The following PCDH15 variants were observed in gnomAD, a reference collection of about 807,000 sequenced individuals.
PCDH15 encodes protocadherin-15.
A neutral mutation model predicts 178.5 loss-of-function variants in PCDH15; 129 were observed. The observed-to-expected ratio is 0.72, with a 90% CI of 0.63 to 0.84. The LOEUF (loss-of-function observed/expected upper bound fraction) is 0.84. PCDH15 is among the 40% of genes least tolerant of loss of function. The pLI, the probability that PCDH15 is intolerant of heterozygous loss-of-function variation, is 0.00. For missense variants in PCDH15, 2,230 were observed against 2,099.9 expected, an observed-to-expected ratio of 1.06 and a Z score of -1.21; for synonymous variants, 800 against 732.0, an observed-to-expected ratio of 1.09 and a Z score of -1.50.
At chr10:54,548,632 A>G (rs1365164862) in intron 2 of PCDH15, among the ~76,000 whole-genome samples, 1 of 59,676 alleles carries the variant, frequency 1.7e-5, no homozygotes, top group Non-Finnish European at 4.6e-5. Flanking sequence ...TATTATATAT[A>G]AATATATAAT....
At chr10:55,480,454 T>G (rs972438675) in intron 2 of PCDH15, among the ~76,000 whole-genome samples, 1 of 151,740 alleles carries the variant, frequency 6.6e-6, no homozygotes, top group Non-Finnish European at 1.5e-5. Flanking sequence ...TAGTAAGATG[T>G]TGGTGGTGAG....
chr10:55,178,799 G>C (rs1839562727), intron 1 of PCDH15, among the ~76,000 whole-genome samples: 1 of 152,016 alleles, frequency 6.6e-6, no homozygotes, highest in Admixed American at 6.6e-5. Flanking sequence ...CCTTCATTCT[G>C]TTCCTCACCA....
chr10:54,262,565 C>T (rs2057390178), intron 8 of PCDH15, among the ~76,000 whole-genome samples: 1 of 152,092 alleles, frequency 6.6e-6, no homozygotes, highest in African/African-American at 2.4e-5. Flanking sequence ...AGCCCAGGCC[C>T]GTGAGCTCAG....
At chr10:55,321,116 A>C (rs1481233885), upstream of PCDH15, among the ~76,000 whole-genome samples, 18 of 151,992 alleles carry the variant, frequency 1.2e-4, no homozygotes, top group Admixed American at 1.2e-3. Flanking sequence ...GGAAAGAGAG[A>C]GAAAGAGAAA....
At chr10:54,123,799 T>C (rs963034118) in intron 15 of PCDH15, among the ~76,000 whole-genome samples, 2 of 152,116 alleles carry the variant, frequency 1.3e-5, no homozygotes, top group Non-Finnish European at 2.9e-5. Context: ...GTGGCACATA[T>C]ACACTACGGA....
At chr10:55,376,007 G>C (rs1229534614) in intron 2 of PCDH15, among the ~76,000 whole-genome samples, 1 of 150,902 alleles carries the variant, frequency 6.6e-6, no homozygotes, top group South Asian at 2.1e-4. Context: ...TTTTAGTTTA[G>C]GACCATATTT....
intron 13 of PCDH15, among the ~76,000 whole-genome samples, chr10:54,167,022 G>A (rs542935286): frequency 1.5e-4 from 23 of 151,884 alleles, no homozygotes; most frequent in African/African-American, 3.9e-4. Context: ...ATCTCCCTTC[G>A]CTGACTCTCT....
Position 54,759,887 on chromosome 10 carries a change from C to T in PCDH15, c.-29+41038G>A, listed in dbSNP as rs141189765. On this transcript the variant is annotated intron_variant, in intron 1 of 37. Transcript: ENST00000644397. ...CAGAATGATTCTTTCACTACTATGCCCTGAGCAAAAACAGTCTTGGGTTAC... is the reference window on the plus strand; with the variant it reads ...CAGAATGATTCTTTCACTACTATGCTCTGAGCAAAAACAGTCTTGGGTTAC... Among the ~76,000 whole-genome samples, 1,367 of 152,228 alleles carry T rather than the reference C, an allele frequency of 9.0e-3. 12 individuals are homozygous for T. The highest frequency in any genetic ancestry group is 0.022 in the Admixed American group (343 of 15,268).
chr10:53,914,289 A>T (rs2083369687), intron 25 of PCDH15, among the ~76,000 whole-genome samples: 1 of 152,222 alleles, frequency 6.6e-6, no homozygotes, highest in South Asian at 2.1e-4. Context: ...ATGATAAAGC[A>T]TGCTACTATA....
chr10:55,550,913 T>A (rs1841991432), intron 2 of PCDH15, among the ~76,000 whole-genome samples: 1 of 152,108 alleles, frequency 6.6e-6, no homozygotes, highest in South Asian at 2.1e-4. Context: ...ACAGATGAAC[T>A]TCCTTCCAAT....
chr10:55,301,847 T>C (rs574170571), intron 1 of PCDH15, among the ~76,000 whole-genome samples: 2 of 152,160 alleles, frequency 1.3e-5, no homozygotes, highest in Non-Finnish European at 2.9e-5. Context: ...AAAAAGGCTA[T>C]CTTTCCTACA....
chr10:54,677,105 C>T (rs1395008567), intron 1 of PCDH15, among the ~76,000 whole-genome samples: 5 of 152,158 alleles, frequency 3.3e-5, no homozygotes, highest in African/African-American at 1.2e-4. Context: ...AACATGGTGG[C>T]TCACACATGT....
At chr10:54,110,714 A>G (rs1227459828) in intron 15 of PCDH15, among the ~76,000 whole-genome samples, 1 of 152,116 alleles carries the variant, frequency 6.6e-6, no homozygotes, top group African/African-American at 2.4e-5. Context: ...AGCTTTCTTT[A>G]AAAAAAGCTT....
chr10:54,363,470 A>G (rs937176786), intron 5 of PCDH15, among the ~76,000 whole-genome samples: 1 of 152,172 alleles, frequency 6.6e-6, no homozygotes, highest in Non-Finnish European at 1.5e-5. Flanking sequence ...TGTTTTTAAG[A>G]AAGACAAATG....
chr10:55,294,697 A>G (rs1843090352), intron 1 of PCDH15, among the ~76,000 whole-genome samples: 1 of 152,186 alleles, frequency 6.6e-6, no homozygotes, highest in Non-Finnish European at 1.5e-5. Flanking sequence ...ATCATTCCCA[A>G]TAAGCCTATG....
At chr10:54,624,279 A>G (rs937965469) in intron 2 of PCDH15, among the ~76,000 whole-genome samples, 1 of 152,230 alleles carries the variant, frequency 6.6e-6, no homozygotes, top group Non-Finnish European at 1.5e-5. Context: ...GGAACAAAAA[A>G]GAAAAGGGAA....
At chr10:54,541,668 GATA>G (rs369230210) in intron 2 of PCDH15, among the ~76,000 whole-genome samples, 190 of 150,382 alleles carry the variant, frequency 1.3e-3, no homozygotes, top group African/African-American at 4.5e-3. Flanking sequence ...AAAGGAAAAG[GATA>G]ATATTTGTGT....
intron 2 of PCDH15, among the ~76,000 whole-genome samples, chr10:55,150,864 T>C (rs1838690058): frequency 6.6e-6 from 1 of 152,116 alleles, no homozygotes. Flanking sequence ...GAGCTCTCAG[T>C]TACATTTTGA....
intron 2 of PCDH15, among the ~76,000 whole-genome samples, chr10:55,507,002 TA>T (rs1326836367): frequency 3.3e-5 from 5 of 151,602 alleles, no homozygotes; most frequent in African/African-American, 1.2e-4. Flanking sequence ...AAATTAAGAT[TA>T]TATATAGGTA....
Sources: allele counts gnomAD v4.1 joint callset (sites outside exome capture counted in the v4.1 genomes callset), GRCh38; gene constraint gnomAD v4.1.1; transcripts MANE v1.5; gene names NCBI Gene and HGNC (gene_info 2026-07-23, HGNC 2026-07-21).